The following CRPPA variants were observed in gnomAD, a reference collection of about 807,000 sequenced individuals.
CRPPA encodes D-ribitol-5-phosphate cytidylyltransferase.
A neutral mutation model predicts 52.0 loss-of-function variants in CRPPA; 43 were observed. The ratio of observed to expected loss-of-function variants is 0.83; its 90% CI spans 0.65 to 1.07. CRPPA has a LOEUF of 1.07. Among genes scored for constraint, CRPPA ranks in the 50% least tolerant of loss-of-function variants. The pLI, the probability that CRPPA is intolerant of heterozygous loss-of-function variation, is 0.00. For synonymous variants in CRPPA, 250 were observed against 203.5 expected, an observed-to-expected ratio of 1.23 and a Z score of -1.94; for missense variants, 629 against 551.7, an observed-to-expected ratio of 1.14 and a Z score of -1.40.
At chr7:16,353,913 T>G (rs1362219488) in intron 3 of CRPPA, among the ~76,000 whole-genome samples, 2 of 152,116 alleles carry the variant, frequency 1.3e-5, no homozygotes, top group Non-Finnish European at 2.9e-5. Flanking sequence ...GTGATGGGTA[T>G]AGTAATTAGC....
intron 3 of CRPPA, among the ~76,000 whole-genome samples, chr7:16,339,753 C>T (rs1349653437): frequency 6.6e-6 from 1 of 152,106 alleles, no homozygotes; most frequent in East Asian, 1.9e-4. Context: ...AACTCATTTT[C>T]ACAGGTGACA....
intron 5 of CRPPA, among the ~76,000 whole-genome samples, chr7:16,299,530 G>C (rs886796410): frequency 3.9e-5 from 6 of 152,122 alleles, no homozygotes; most frequent in Non-Finnish European, 8.8e-5. Flanking sequence ...TGCTGGTCTA[G>C]AGCATTTACT....
intron 8 of CRPPA, among the ~76,000 whole-genome samples, chr7:16,256,523 T>A (rs1783644979): frequency 6.6e-6 from 1 of 152,116 alleles, no homozygotes; most frequent in Non-Finnish European, 1.5e-5. Flanking sequence ...CAAATGCCCA[T>A]CAGTGATAGA....
At chr7:16,420,234 C>T (rs997258057) in intron 1 of CRPPA, among the ~76,000 whole-genome samples, 1 of 152,292 alleles carries the variant, frequency 6.6e-6, no homozygotes, top group East Asian at 1.9e-4. Flanking sequence ...CACAAACTAC[C>T]ACAGCTCCCC....
chr7:16,392,095 T>A (rs116777476), intron 2 of CRPPA, among the ~76,000 whole-genome samples: 2,287 of 152,270 alleles, frequency 0.015, 63 homozygotes, highest in African/African-American at 0.052. Flanking sequence ...CATCTCTGCT[T>A]AATTAATATT....
intron 8 of CRPPA, among the ~76,000 whole-genome samples, chr7:16,247,645 G>GA (rs1402508503): frequency 5.9e-5 from 9 of 152,074 alleles, no homozygotes; most frequent in African/African-American, 1.9e-4. Context: ...CACACTGTGG[G>GA]AAAAATGGTA....
At chr7:16,234,657 A>G (rs922941731) in intron 8 of CRPPA, among the ~76,000 whole-genome samples, 2 of 152,088 alleles carry the variant, frequency 1.3e-5, no homozygotes, top group Non-Finnish European at 2.9e-5. Context: ...AAGTCATCAC[A>G]AAGCACCTCG....
chr7:16,128,788 C>T (rs867342325), intron 9 of CRPPA, among the ~76,000 whole-genome samples: 1 of 151,906 alleles, frequency 6.6e-6, no homozygotes, highest in Non-Finnish European at 1.5e-5. Context: ...GCAATTATAA[C>T]AGATTATGAT....
chr7:16,335,998 G>A (rs1405461607), intron 3 of CRPPA, among the ~76,000 whole-genome samples: 1 of 152,078 alleles, frequency 6.6e-6, no homozygotes, highest in East Asian at 1.9e-4. Context: ...TGTCAAACAA[G>A]AATACTTTGC....
At chr7:16,370,482 G>A (rs550514963) in intron 3 of CRPPA, among the ~76,000 whole-genome samples, 1 of 152,184 alleles carries the variant, frequency 6.6e-6, no homozygotes, top group African/African-American at 2.4e-5. Flanking sequence ...TCCAGAGTCT[G>A]GTAGCCCCAC....
At chr7:16,286,044 A>AATAT (rs1175134468) in intron 5 of CRPPA, among the ~76,000 whole-genome samples, 449 of 12,466 alleles carry the variant, frequency 0.036, 13 homozygotes, top group South Asian at 0.062. Context: ...AAAAAATATA[A>AATAT]ATATATATAT....
At chr7:16,330,885 C>A (rs1370445014) in intron 3 of CRPPA, among the ~76,000 whole-genome samples, 4 of 152,186 alleles carry the variant, frequency 2.6e-5, no homozygotes, top group African/African-American at 9.7e-5. Context: ...ACTCCAAACA[C>A]CCAGCCCTCC....
chr7:16,259,507 C>T (rs941723532), intron 6 of CRPPA, among the ~76,000 whole-genome samples: 1 of 151,984 alleles, frequency 6.6e-6, no homozygotes. Context: ...ACTACACAAA[C>T]TATTCCTAAA....
chr7:16,218,118 G>C (rs1487035484), intron 8 of CRPPA, among the ~76,000 whole-genome samples: 2 of 152,088 alleles, frequency 1.3e-5, no homozygotes, highest in Admixed American at 6.5e-5. Flanking sequence ...CAAGCCAGAA[G>C]ACAGTGGGGG....
intron 2 of CRPPA, among the ~76,000 whole-genome samples, chr7:16,381,497 T>G (rs578179480): frequency 1.4e-3 from 215 of 152,154 alleles, no homozygotes; most frequent in African/African-American, 5.1e-3. Context: ...TCTGTAGATG[T>G]CTATTAGGTC....
chr7:16,242,207 G>C (rs539353572), intron 8 of CRPPA, among the ~76,000 whole-genome samples: 29 of 151,948 alleles, frequency 1.9e-4, no homozygotes, highest in African/African-American at 6.5e-4. Flanking sequence ...GCCCACCTCT[G>C]CCTCCCAAAG....
intron 9 of CRPPA, among the ~76,000 whole-genome samples, chr7:16,204,746 C>T (rs536452306): frequency 7.9e-4 from 120 of 152,226 alleles, no homozygotes; most frequent in Non-Finnish European, 1.5e-3. Context: ...AAGTTTAGCA[C>T]CAAGTAAAAC....
intron 3 of CRPPA, among the ~76,000 whole-genome samples, chr7:16,324,904 G>C (rs762005423): frequency 6.6e-6 from 1 of 152,030 alleles, no homozygotes; most frequent in Non-Finnish European, 1.5e-5. Flanking sequence ...TTGAGTACTC[G>C]CCCTGTCCTC....
At chr7:16,203,199 T>C (rs1781895841) in intron 9 of CRPPA, among the ~76,000 whole-genome samples, 1 of 152,156 alleles carries the variant, frequency 6.6e-6, no homozygotes, top group African/African-American at 2.4e-5. Flanking sequence ...ATCTTACTTA[T>C]TTGCTAAAGA....
Sources: allele counts gnomAD v4.1 joint callset (sites outside exome capture counted in the v4.1 genomes callset), GRCh38; gene constraint gnomAD v4.1.1; transcripts MANE v1.5; gene names NCBI Gene and HGNC (gene_info 2026-07-23, HGNC 2026-07-21).